PLEKHH2: variants seen among roughly 807,000 people sequenced by gnomAD.
The protein encoded by PLEKHH2 is pleckstrin homology, MyTH4 and FERM domain containing H2.
A neutral mutation model predicts 187.9 loss-of-function variants in PLEKHH2; 129 were observed. The ratio of observed to expected loss-of-function variants is 0.69; its 90% CI spans 0.59 to 0.79. The LOEUF (loss-of-function observed/expected upper bound fraction) is 0.79, where lower values mean the gene tolerates loss of function less well. Ranked by LOEUF, PLEKHH2 falls within the 30% of genes least tolerant of loss-of-function variation. The probability of loss-of-function intolerance (pLI) is 0.00; values close to 1 mark genes in which losing one functional copy is unlikely to be tolerated. For synonymous variants in PLEKHH2, 686 were observed against 605.6 expected (o/e 1.13, Z -1.95); for missense variants, 2,076 against 1,751.2 (o/e 1.19, Z -3.31).
intron 3 of PLEKHH2, among the ~76,000 whole-genome samples, chr2:43,691,381 G>A (rs935843236): frequency 1.3e-5 from 2 of 152,238 alleles, no homozygotes; most frequent in Admixed American, 6.5e-5. Context: ...GGGAGTGCGT[G>A]CTGATTGGCT....
At position 43,745,964 on chromosome 2, in the gene PLEKHH2, G is replaced by A. The variant is rs1315619957; in HGVS notation, c.3653+1G>A. On this transcript the variant is annotated splice_donor_variant, in intron 24 of 29. Transcript: ENST00000282406. LOFTEE classifies it high-confidence loss of function. Reference sequence around the variant, plus strand: ...CTGTTCGTCTGACATACAAAAACAGGTGTGTAATACTGCATCCAGATGCCA... The same window carrying A: ...CTGTTCGTCTGACATACAAAAACAGATGTGTAATACTGCATCCAGATGCCA... The A allele has an allele frequency of 6.3e-7, 1 of 1,597,712 alleles. No homozygotes were observed. Among genetic ancestry groups the A allele is most frequent in the African/African-American group, 1.3e-5 (1 of 74,590 alleles).
chr2:43,762,451 A>C (rs1672467227), intron 28 of PLEKHH2, 61 bp downstream of exon 28: 1 of 1,254,340 alleles, frequency 8.0e-7, no homozygotes, highest in African/African-American at 1.5e-5. Context: ...AGTGTACCGT[A>C]AACAGAAAGT....
At chr2:43,720,015 A>G (rs568735029) in intron 15 of PLEKHH2, among the ~76,000 whole-genome samples, 2 of 152,340 alleles carry the variant, frequency 1.3e-5, no homozygotes, top group South Asian at 4.1e-4. Context: ...ATGTTAATGC[A>G]TTCATGGGGT....
At chr2:43,755,676 G>A (rs1289353940) in intron 25 of PLEKHH2, among the ~76,000 whole-genome samples, 2 of 152,162 alleles carry the variant, frequency 1.3e-5, no homozygotes, top group Non-Finnish European at 2.9e-5. Context: ...CTATGGCTGA[G>A]GGCTGGAATC....
intron 24 of PLEKHH2, among the ~76,000 whole-genome samples, chr2:43,751,891 A>G (rs903849784): frequency 3.4e-5 from 5 of 148,762 alleles, no homozygotes; most frequent in Non-Finnish European, 7.4e-5. Context: ...ATTTGAGCCC[A>G]TGGTTCATGT....
At chr2:43,732,478 C>T (rs954131750) in intron 19 of PLEKHH2, among the ~76,000 whole-genome samples, 1 of 152,150 alleles carries the variant, frequency 6.6e-6, no homozygotes, top group African/African-American at 2.4e-5. Flanking sequence ...GTTTCTTGAC[C>T]TTCTAAATTC....
chr2:43,758,846 C>A, intron 26 of PLEKHH2, 54 bp from the exon 27 acceptor site: 1 of 1,442,086 alleles, frequency 6.9e-7, no homozygotes, highest in Non-Finnish European at 9.4e-7. Context: ...CTATGACACA[C>A]TGTTTATGTT....
chr2:43,744,678 G>A (rs148804874), intron 23 of PLEKHH2, among the ~76,000 whole-genome samples: 408 of 150,912 alleles, frequency 2.7e-3, no homozygotes, highest in African/African-American at 9.4e-3. Flanking sequence ...GACCAGCCTG[G>A]GCAGCATGGC....
At position 43,720,928 on chromosome 2, in the gene PLEKHH2, G is replaced by C. The variant is rs917393557; in HGVS notation, c.2541+179G>C. On this transcript the variant is annotated intron_variant, in intron 16 of 29. Transcript: ENST00000282406. ...AAGGTCTATCACCTACACCTACAAG[G>C]GTCTTGATTCTTAATTACAAGCCTT... 2.0e-5 allele frequency among the ~76,000 whole-genome samples: 3 copies of C among 151,998 alleles called. No individual in the cohort carries two copies. In the South Asian group the frequency reaches 6.2e-4, roughly 32 times the overall value.
intron 19 of PLEKHH2, among the ~76,000 whole-genome samples, chr2:43,735,077 C>G (rs1221150350): frequency 2.0e-5 from 3 of 152,100 alleles, no homozygotes; most frequent in Non-Finnish European, 4.4e-5. Flanking sequence ...GTAATCCCAG[C>G]TACTAGGGAG....
At chr2:43,677,567 G>A (rs887806664) in intron 2 of PLEKHH2, among the ~76,000 whole-genome samples, 2 of 151,806 alleles carry the variant, frequency 1.3e-5, no homozygotes, top group African/African-American at 4.8e-5. Flanking sequence ...TCTTAGTACA[G>A]AACAAAATGA....
At chr2:43,665,953 T>C (rs1384925771) in intron 2 of PLEKHH2, among the ~76,000 whole-genome samples, 12 of 126,858 alleles carry the variant, frequency 9.5e-5, no homozygotes. Flanking sequence ...CCCCCAGAGG[T>C]GGAGCCTACA....
At chr2:43,722,398 C>T (rs1264218717) in intron 16 of PLEKHH2, among the ~76,000 whole-genome samples, 3 of 152,094 alleles carry the variant, frequency 2.0e-5, no homozygotes, top group East Asian at 1.9e-4. Context: ...GAGAAGACAA[C>T]ACTGAAGATT....
At chr2:43,677,598 C>G (rs1667885738) in intron 2 of PLEKHH2, among the ~76,000 whole-genome samples, 1 of 151,688 alleles carries the variant, frequency 6.6e-6, no homozygotes, top group African/African-American at 2.4e-5. Context: ...ATGTCTACTT[C>G]TTTCCACACA....
Position 43,707,470 on chromosome 2 carries a change from A to C in PLEKHH2, c.1891A>C (p.Arg631=), listed in dbSNP as rs569237726. ...SSGSEEEDSS[R]SSSRTSESDS... ...TGGGTCAGAGGAAGAAGACAGCTCC[A>C]GATCCAGCTCCCGGACGTCAGAGTC... Residue 631 remains arginine (R), a synonymous_variant, in exon 11 of 30, where the codon AGA becomes CGA. Transcript: ENST00000282406. 60 of 1,614,166 alleles carry C rather than the reference A, an allele frequency of 3.7e-5. No individual in the cohort carries two copies. The highest frequency in any genetic ancestry group is 1.3e-4 in the Admixed American group (8 of 60,010).
intron 1 of PLEKHH2, 33 bp from the exon 2 acceptor site, chr2:43,644,638 T>G (rs1309988611): frequency 6.9e-7 from 1 of 1,456,310 alleles, no homozygotes; most frequent in Admixed American, 2.4e-5. Context: ...GTTTTACTTT[T>G]TAATTTTTTG....
At chr2:43,745,807 C>T in intron 23 of PLEKHH2, 59 bp from the exon 24 acceptor site, 2 of 1,325,882 alleles carry the variant, frequency 1.5e-6, no homozygotes, top group Non-Finnish European at 2.1e-6. Context: ...GCACACTTGT[C>T]TTCAAAAAAT....
In PLEKHH2 at chr2:43,762,362, G is replaced by A; in HGVS notation, c.4130G>A (p.Gly1377Asp). 1 of 1,612,462 alleles carries A rather than the reference G, an allele frequency of 6.2e-7. No homozygotes were observed. The highest frequency in any genetic ancestry group is 8.5e-7 in the Non-Finnish European group (1 of 1,178,656). Residue 1377 changes from glycine to aspartate, a missense_variant, in exon 28 of 30, where the codon GGT (glycine) becomes GAT (aspartate). Physicochemically the swap from Gly to Asp is moderately conservative, Grantham distance 94. Transcript: ENST00000282406. ...TTGTGGCTGGCTGTACATGAGGATG[G>A]TTTAAGCCTCTTAGAATACAACTCC... ...TFLWLAVHEDGLSLLEYNSMR... is the reference protein window; with the variant it reads ...TFLWLAVHEDDLSLLEYNSMR...
chr2:43,709,730 G>A (rs1669852203), intron 11 of PLEKHH2, among the ~76,000 whole-genome samples: 1 of 152,158 alleles, frequency 6.6e-6, no homozygotes, highest in Admixed American at 6.5e-5. Flanking sequence ...CAGCTACTCG[G>A]GAGGCTGAGG....
Sources: allele counts gnomAD v4.1 joint callset (sites outside exome capture counted in the v4.1 genomes callset), GRCh38; gene constraint gnomAD v4.1.1; transcripts MANE v1.5; gene names NCBI Gene and HGNC (gene_info 2026-07-23, HGNC 2026-07-21).